Variants in DDX50 observed in about 807,000 individuals in gnomAD.
The protein encoded by DDX50 is DExD-box helicase 50.
In DDX50, 56 loss-of-function variants were observed where a neutral mutation model predicts 94.8. The observed-to-expected ratio is 0.59, with a 90% CI of 0.48 to 0.74. The LOEUF (loss-of-function observed/expected upper bound fraction) is 0.74, where lower values mean the gene tolerates loss of function less well. Among genes scored for constraint, DDX50 ranks in the 30% least tolerant of loss-of-function variants. The pLI, the probability that DDX50 is intolerant of heterozygous loss-of-function variation, is 0.00. For missense variants in DDX50, 713 were observed against 881.2 expected (o/e 0.81, Z 2.42); for synonymous variants, 264 against 295.4 (o/e 0.89, Z 1.09).
At chr10:68,907,528 C>G (rs1018965996) in intron 2 of DDX50, among the ~76,000 whole-genome samples, 1 of 151,936 alleles carries the variant, frequency 6.6e-6, no homozygotes, top group Non-Finnish European at 1.5e-5. Context: ...GTTGATCAGG[C>G]TGGTCTTGAA....
At position 68,934,110 on chromosome 10, in the gene DDX50, C is replaced by A; in HGVS notation, c.1240-89C>A. 2 of 1,259,878 alleles carry A rather than the reference C, an allele frequency of 1.6e-6. No individual in the cohort carries two copies. Among genetic ancestry groups the A allele is most frequent in the Non-Finnish European group, 2.1e-6 (2 of 939,242 alleles). 78.0% of individuals were successfully genotyped at this position (1,259,878 alleles called of 1,614,324 possible). On this transcript the variant is annotated intron_variant, in intron 8 of 14. Transcript: ENST00000373585. This position sits in a 1 kb window ranked among gnomAD's most constrained non-coding sequence, Gnocchi z 4.0. Reference sequence around the variant, plus strand: ...AAATCATCAAAGTAAGATTTAAAAACATGCAAAAGGAGCACAGACTAGATG... The same window carrying A: ...AAATCATCAAAGTAAGATTTAAAAAAATGCAAAAGGAGCACAGACTAGATG...
At chr10:68,923,461 C>G (rs1589259812) in intron 8 of DDX50, among the ~76,000 whole-genome samples, 1 of 151,506 alleles carries the variant, frequency 6.6e-6, no homozygotes, top group African/African-American at 2.4e-5. Flanking sequence ...TTGCCTCTGC[C>G]TCCCAAAGTG....
chr10:68,926,554 T>G (rs1241684861), intron 8 of DDX50, among the ~76,000 whole-genome samples: 1 of 152,150 alleles, frequency 6.6e-6, no homozygotes, highest in Non-Finnish European at 1.5e-5. Flanking sequence ...ATTTTTAAAT[T>G]GTAATTTACT....
At chr10:68,919,172 C>T (rs1841880949) in intron 7 of DDX50, among the ~76,000 whole-genome samples, 1 of 152,200 alleles carries the variant, frequency 6.6e-6, no homozygotes, top group Admixed American at 6.5e-5. Flanking sequence ...TTTCTCAGAA[C>T]ATATCCCTGT....
At chr10:68,902,046 C>G (rs966708110) in intron 1 of DDX50, among the ~76,000 whole-genome samples, 1 of 151,838 alleles carries the variant, frequency 6.6e-6, no homozygotes, top group Non-Finnish European at 1.5e-5. Flanking sequence ...TCATTCAATC[C>G]GCAGGTGTTT....
chr10:68,932,726 C>A (rs1403388427), intron 8 of DDX50, among the ~76,000 whole-genome samples: 4 of 152,144 alleles, frequency 2.6e-5, no homozygotes, highest in African/African-American at 9.7e-5. Context: ...TAAATAGGTT[C>A]AGTGTCACTA....
At chr10:68,920,802 C>A (rs190615150) in intron 8 of DDX50, among the ~76,000 whole-genome samples, 1 of 151,176 alleles carries the variant, frequency 6.6e-6, no homozygotes, top group Non-Finnish European at 1.5e-5. Flanking sequence ...AAAAATTAGC[C>A]GGTGTGGTGG....
At chr10:68,933,322 G>A (rs1243890130) in intron 8 of DDX50, among the ~76,000 whole-genome samples, 1 of 151,786 alleles carries the variant, frequency 6.6e-6, no homozygotes. Flanking sequence ...TGCCTGTCTC[G>A]GCCTCCCAGA....
At chr10:68,909,788 G>T (rs1306446547) in intron 2 of DDX50, among the ~76,000 whole-genome samples, 1 of 152,000 alleles carries the variant, frequency 6.6e-6, no homozygotes, top group African/African-American at 2.4e-5. Flanking sequence ...TCAGCCTCCC[G>T]AGTAGCTGGG....
At position 68,910,323 on chromosome 10, in the gene DDX50, A is replaced by G. The variant is rs557615978; in HGVS notation, c.401A>G (p.Gln134Arg). ...TTTTTACAGACCTTAACACGTGAACAGAAAGAAGGAGCCTTCTCCAATTTT... is the reference window on the plus strand; with the variant it reads ...TTTTTACAGACCTTAACACGTGAACGGAAAGAAGGAGCCTTCTCCAATTTT... ...NKLEETLTREQKEGAFSNFPI... is the reference protein window; with the variant it reads ...NKLEETLTRERKEGAFSNFPI... The change falls in exon 3 of 15, where the codon CAG (glutamine) becomes CGG (arginine). Residue 134 changes from glutamine (Q) to arginine (R), a missense_variant. Gln to Arg is a conservative substitution (Grantham distance 43). This residue lies in a region of DDX50 where 285 missense variants were observed against 278.9 expected (regional missense o/e 1.02). Coordinates refer to ENST00000373585, the MANE Select transcript of DDX50 (RefSeq NM_024045.2). 4 of 1,607,468 alleles carry G rather than the reference A, an allele frequency of 2.5e-6. No individual in the cohort carries two copies. The highest frequency in any genetic ancestry group is 3.4e-6 in the Non-Finnish European group (4 of 1,178,262).
chr10:68,924,886 A>G (rs1395007301), intron 8 of DDX50, among the ~76,000 whole-genome samples: 2 of 152,026 alleles, frequency 1.3e-5, no homozygotes, highest in Non-Finnish European at 2.9e-5. Context: ...TGCAGACCTT[A>G]ACTCTGGCTC....
At chr10:68,935,441 C>T (rs540758333) in intron 10 of DDX50, among the ~76,000 whole-genome samples, 70 of 150,484 alleles carry the variant, frequency 4.7e-4, no homozygotes, top group African/African-American at 1.7e-3. Flanking sequence ...TTTTTCAAAT[C>T]AGGCTTGTTT....
chr10:68,936,119 A>G, intron 11 of DDX50, 40 bp downstream of exon 11: 1 of 1,514,906 alleles, frequency 6.6e-7, no homozygotes, highest in Admixed American at 1.9e-5. Flanking sequence ...TTTCTTTTGT[A>G]TTAGGCTATT....
chr10:68,901,347 T>G lies in DDX50; in HGVS notation c.-38T>G, dbSNP rs1256923606. On this transcript the variant is annotated 5_prime_UTR_variant, in exon 1 of 15. Transcript: ENST00000373585. ...CGCTGTCGCTGCCCGTAGGTGGTTG[T>G]GGCCACTGTGCCCGGAGGGAGGCGG... 1 of 1,514,224 alleles carries G rather than the reference T, an allele frequency of 6.6e-7. No homozygotes were observed. The highest frequency in any genetic ancestry group is 1.2e-5 in the South Asian group (1 of 80,648). 93.8% of individuals were successfully genotyped at this position (1,514,224 alleles called of 1,614,324 possible).
chr10:68,920,842 G>A (rs923548210), intron 8 of DDX50, among the ~76,000 whole-genome samples: 11 of 150,886 alleles, frequency 7.3e-5, no homozygotes, highest in African/African-American at 2.2e-4. Flanking sequence ...CTACTCAGGA[G>A]GCTAAGGCAG....
At chr10:68,940,507 C>CCTCCTGGG (rs1842531060) in intron 12 of DDX50, among the ~76,000 whole-genome samples, 1 of 152,010 alleles carries the variant, frequency 6.6e-6, no homozygotes, top group African/African-American at 2.4e-5. Context: ...GCAACCTCTG[C>CCTCCTGGG]CTCCTGGGCT....
intron 8 of DDX50, among the ~76,000 whole-genome samples, chr10:68,933,040 A>G (rs983717118): frequency 6.7e-6 from 1 of 148,864 alleles, no homozygotes; most frequent in African/African-American, 2.5e-5. Context: ...AAAGTTACAA[A>G]GTTGTTCATT....
chr10:68,932,075 G>A (rs1842288096), intron 8 of DDX50, among the ~76,000 whole-genome samples: 1 of 152,154 alleles, frequency 6.6e-6, no homozygotes, highest in African/African-American at 2.4e-5. Flanking sequence ...ACCTATACCT[G>A]TGATAGCACA....
intron 8 of DDX50, among the ~76,000 whole-genome samples, chr10:68,920,947 C>CAAAAAAAAAAAAAAAAAAAAAAA (rs11367137): frequency 1.2e-5 from 1 of 86,130 alleles, no homozygotes; most frequent in Non-Finnish European, 2.4e-5. Context: ...GACTCCATCT[C>CAAAAAAAAAAAAAAAAAAAAAAA]AAAAAAAAAA....
Sources: gnomAD v4.1 joint callset for allele counts (sites outside exome capture counted in the v4.1 genomes callset) on GRCh38, gnomAD v4.1.1 for gene constraint, gnomAD v4.1.1 regional missense constraint, Gnocchi (gnomAD v3.1) non-coding constraint, MANE v1.5 for transcripts, NCBI Gene and HGNC (gene_info 2026-07-23, HGNC 2026-07-21) for gene names.